Variants in LARGE1 observed in about 807,000 individuals in gnomAD.
LARGE1 encodes LARGE xylosyl- and glucuronyltransferase 1, also known as xylosyl- and glucuronyltransferase LARGE1.
Under a neutral mutation model 87.6 loss-of-function variants are expected in LARGE1, and 43 were observed. That is an observed-to-expected ratio of 0.49 (90% CI 0.38 to 0.63). LARGE1 has a LOEUF of 0.63. Among genes scored for constraint, LARGE1 ranks in the 30% least tolerant of loss-of-function variants. The pLI, the probability that LARGE1 is intolerant of heterozygous loss-of-function variation, is 0.00. For synonymous variants in LARGE1, 434 were observed against 394.6 expected (o/e 1.10, Z -1.18); for missense variants, 802 against 1,000.2 (o/e 0.80, Z 2.67).
the LARGE1 span, among the ~76,000 whole-genome samples, chr22:33,143,952 C>G: frequency 1.3e-5 from 2 of 152,082 alleles, no homozygotes; most frequent in Admixed American, 6.6e-5. Flanking sequence ...TGTCTTAACT[C>G]TTCTTGGTAT....
intron 5 of LARGE1, among the ~76,000 whole-genome samples, chr22:33,588,186 G>T (rs958635748): frequency 6.6e-6 from 1 of 152,196 alleles, no homozygotes; most frequent in African/African-American, 2.4e-5. Context: ...GAGCCGAGGG[G>T]TCCATCCACG....
At chr22:33,527,700 G>T (rs1409871059) in intron 6 of LARGE1, among the ~76,000 whole-genome samples, 1 of 152,132 alleles carries the variant, frequency 6.6e-6, no homozygotes, top group Non-Finnish European at 1.5e-5. Context: ...CCCATTAAAG[G>T]AAGGTGACAG....
chr22:33,874,417 G>A (rs2064400400), intron 1 of LARGE1, among the ~76,000 whole-genome samples: 1 of 152,174 alleles, frequency 6.6e-6, no homozygotes, highest in African/African-American at 2.4e-5. Flanking sequence ...TTTTCACAAA[G>A]GTCTCAGGGC....
At chr22:33,635,016 G>A (rs1242978122) in intron 3 of LARGE1, among the ~76,000 whole-genome samples, 1 of 152,050 alleles carries the variant, frequency 6.6e-6, no homozygotes, top group African/African-American at 2.4e-5. Context: ...TACTCGGGAA[G>A]CTGAGGCAGG....
intron 14 of LARGE1, 38 bp downstream of exon 14, chr22:33,277,022 C>T (rs778367653): frequency 1.3e-6 from 2 of 1,598,008 alleles, no homozygotes; most frequent in African/African-American, 1.3e-5. Flanking sequence ...GGCCTCTCCC[C>T]CGTCGACCAT....
chr22:33,350,244 G>A (rs1012707151), intron 9 of LARGE1, among the ~76,000 whole-genome samples: 2 of 152,148 alleles, frequency 1.3e-5, no homozygotes, highest in Non-Finnish European at 2.9e-5. Context: ...ACTGGATTCT[G>A]TTACATGCAA....
intron 11 of LARGE1, among the ~76,000 whole-genome samples, chr22:33,256,548 A>G (rs919063786): frequency 3.3e-4 from 50 of 152,200 alleles, no homozygotes; most frequent in African/African-American, 1.1e-3. Context: ...TGGGAACATA[A>G]TAATGTATAA....
chr22:33,821,273 G>A (rs1029735505), intron 1 of LARGE1, among the ~76,000 whole-genome samples: 4 of 152,020 alleles, frequency 2.6e-5, no homozygotes, highest in African/African-American at 9.7e-5. Flanking sequence ...TGTCTTCATC[G>A]TTACGAAGTT....
chr22:33,203,068 T>A (rs1354368435), intron 11 of LARGE1, among the ~76,000 whole-genome samples: 1 of 3,054 alleles, frequency 3.3e-4, no homozygotes, highest in Non-Finnish European at 1.1e-3. Context: ...GAATCTAAAC[T>A]CTCTCTCTCT....
At chr22:33,358,137 T>A (rs1251853087) in intron 9 of LARGE1, among the ~76,000 whole-genome samples, 3 of 152,050 alleles carry the variant, frequency 2.0e-5, no homozygotes, top group African/African-American at 7.2e-5. Context: ...ACTCCTTGAG[T>A]TTACTGGTCA....
chr22:33,105,491 G>C, the LARGE1 span: 1 of 152,220 alleles, frequency 6.6e-6, no homozygotes, highest in Admixed American at 6.5e-5. Context: ...CCTTGGCTGT[G>C]AATTTCTACA....
At chr22:33,221,386 G>A (rs1047857689) in intron 11 of LARGE1, among the ~76,000 whole-genome samples, 2 of 152,096 alleles carry the variant, frequency 1.3e-5, no homozygotes, top group Admixed American at 1.3e-4. Context: ...CTGAGTAAAG[G>A]TTGGGACATA....
chr22:33,758,938 C>A (rs1045111194), intron 2 of LARGE1, among the ~76,000 whole-genome samples: 1 of 152,190 alleles, frequency 6.6e-6, no homozygotes, highest in Admixed American at 6.5e-5. Context: ...CCTCCCATAA[C>A]CGCAGTGACT....
At chr22:33,395,510 C>G (rs2065708527) in intron 7 of LARGE1, among the ~76,000 whole-genome samples, 1 of 152,154 alleles carries the variant, frequency 6.6e-6, no homozygotes, top group South Asian at 2.1e-4. Context: ...CTCTTTAAAA[C>G]TTTTTTAGCA....
chr22:33,672,326 T>A (rs1259356959), intron 2 of LARGE1, among the ~76,000 whole-genome samples: 2 of 152,184 alleles, frequency 1.3e-5, no homozygotes, highest in Non-Finnish European at 2.9e-5. Flanking sequence ...TCCCATCTAT[T>A]AACCCTTCCA....
At chr22:33,682,333 A>C (rs1237460844) in intron 2 of LARGE1, among the ~76,000 whole-genome samples, 5 of 152,120 alleles carry the variant, frequency 3.3e-5, no homozygotes, top group Admixed American at 2.0e-4. Context: ...CAAGACACTA[A>C]ATTGAAGAAA....
intron 9 of LARGE1, among the ~76,000 whole-genome samples, chr22:33,369,925 T>C (rs535628267): frequency 1.1e-3 from 158 of 145,148 alleles, no homozygotes; most frequent in Non-Finnish European, 1.7e-3. Context: ...TATGGCATTC[T>C]AGCCAAGATT....
rs866322200 is a variant in LARGE1, at chr22:33,522,836, G to A, written c.787+42012C>T. Among the ~76,000 whole-genome samples, 619 of 133,528 alleles carry A rather than the reference G, an allele frequency of 4.6e-3. 2 individuals carry two copies. Among genetic ancestry groups the A allele is most frequent in the African/African-American group, 0.011 (398 of 36,616 alleles). 87.6% of individuals were successfully genotyped at this position (133,528 alleles called of 152,430 possible). A position where few individuals can be genotyped will look rare whatever the true frequency, so the allele number is the denominator to read the frequency against. On this transcript the variant is annotated intron_variant, in intron 6 of 14. Coordinates refer to ENST00000397394, the MANE Select transcript of LARGE1 (RefSeq NM_133642.5). ...ACAGCAAGACTCTATCTAAAAAAAA[G>A]AAAAAAAAAAAAGAAACAAAAATTA...
In LARGE1 at chr22:33,765,642, T is replaced by C. The variant is rs559740840; in HGVS notation, c.-82-4084A>G. Reference sequence around the variant, plus strand: ...ATCGTTTGAAACTGGGAGGCAGAGGTTGCAGTGAGCAAAGATCATGCCATT... The same window carrying C: ...ATCGTTTGAAACTGGGAGGCAGAGGCTGCAGTGAGCAAAGATCATGCCATT... On this transcript the variant is annotated intron_variant, in intron 1 of 14. Transcript: ENST00000397394. 3.5e-5 allele frequency among the ~76,000 whole-genome samples: 5 copies of C among 143,376 alleles called. No individual in the cohort carries two copies. In the East Asian group the frequency reaches 6.1e-4, roughly 17 times the overall value. 94.1% of individuals were successfully genotyped at this position (143,376 alleles called of 152,430 possible).
Sources: gnomAD v4.1 joint callset for allele counts (sites outside exome capture counted in the v4.1 genomes callset) on GRCh38, gnomAD v4.1.1 for gene constraint, MANE v1.5 for transcripts, NCBI Gene and HGNC (gene_info 2026-07-23, HGNC 2026-07-21) for gene names.